Variants in COG5 observed in about 807,000 individuals in gnomAD.
COG5 encodes component of oligomeric golgi complex 5, also known as conserved oligomeric Golgi complex subunit 5.
COG5 carries 86 observed loss-of-function variants against 110.4 expected under a neutral mutation model. The observed-to-expected ratio is 0.78, with a 90% CI of 0.65 to 0.93. The LOEUF is 0.93. Among genes scored for constraint, COG5 ranks in the 40% least tolerant of loss-of-function variants. The probability of loss-of-function intolerance (pLI) is 0.00; values close to 1 mark genes in which losing one functional copy is unlikely to be tolerated. For missense variants in COG5, 1,077 were observed against 987.0 expected (o/e 1.09, Z -1.22); for synonymous variants, 360 against 334.6 (o/e 1.08, Z -0.83).
chr7:107,348,233 A>C (rs1020899205), intron 10 of COG5, among the ~76,000 whole-genome samples: 2 of 151,856 alleles, frequency 1.3e-5, no homozygotes, highest in African/African-American at 4.8e-5. Context: ...TAATATTGAA[A>C]ATTTTTCAAT....
In COG5 at chr7:107,203,354, A is replaced by G. The variant is rs1000375620; in HGVS notation, c.*162T>C. 13 of 635,986 alleles carry G rather than the reference A, an allele frequency of 2.0e-5. No homozygotes were observed. Among genetic ancestry groups the G allele is most frequent in the African/African-American group, 3.7e-5 (2 of 54,656 alleles). 39.4% of individuals were successfully genotyped at this position (635,986 alleles called of 1,614,324 possible). ...GTGATAACTCAACATTTTTTATGCTAAAGTATAAGTGCTAAAGAGGTAAAT... is the reference window on the plus strand; with the variant it reads ...GTGATAACTCAACATTTTTTATGCTGAAGTATAAGTGCTAAAGAGGTAAAT... On this transcript the variant is annotated 3_prime_UTR_variant, in exon 22 of 22. Coordinates refer to ENST00000297135, the MANE Select transcript of COG5 (RefSeq NM_006348.5).
chr7:107,247,493 A>C (rs373325180), intron 17 of COG5, among the ~76,000 whole-genome samples: 1 of 152,216 alleles, frequency 6.6e-6, no homozygotes, highest in Admixed American at 6.5e-5. Flanking sequence ...CATAAAACAG[A>C]TATTCTTTAA....
intron 6 of COG5, among the ~76,000 whole-genome samples, chr7:107,459,658 C>T (rs991613141): frequency 1.3e-5 from 2 of 151,768 alleles, no homozygotes; most frequent in Admixed American, 1.3e-4. Flanking sequence ...AAGCCAGGTA[C>T]TGTGGTACAC....
chr7:107,439,784 G>C (rs1301064342), intron 6 of COG5, among the ~76,000 whole-genome samples: 3 of 152,176 alleles, frequency 2.0e-5, no homozygotes, highest in African/African-American at 7.2e-5. Context: ...GCAAAAGGAA[G>C]TAGAAGTTTT....
intron 5 of COG5, among the ~76,000 whole-genome samples, chr7:107,532,053 A>G (rs1366516244): frequency 1.3e-5 from 2 of 152,154 alleles, no homozygotes; most frequent in Non-Finnish European, 2.9e-5. Context: ...AGTAGAAAAC[A>G]GCATTACTTT....
chr7:107,399,468 G>C (rs1347361694), intron 7 of COG5, among the ~76,000 whole-genome samples: 1 of 151,974 alleles, frequency 6.6e-6, no homozygotes, highest in East Asian at 1.9e-4. Flanking sequence ...CACCAGACTT[G>C]ATGGTTTTAT....
At chr7:107,369,762 G>A (rs1813959412) in intron 8 of COG5, among the ~76,000 whole-genome samples, 1 of 152,090 alleles carries the variant, frequency 6.6e-6, no homozygotes, top group Non-Finnish European at 1.5e-5. Flanking sequence ...ACATCATAAG[G>A]TGAACACATT....
At chr7:107,507,297 CTTT>C (rs10713224) in intron 6 of COG5, among the ~76,000 whole-genome samples, 23 of 131,594 alleles carry the variant, frequency 1.7e-4, no homozygotes, top group Non-Finnish European at 2.6e-4. Context: ...CTTTTCTTTT[CTTT>C]TTTTTTTTTT....
intron 6 of COG5, among the ~76,000 whole-genome samples, chr7:107,476,183 TTAAAAAAAAAAAAAAAAA>T (rs1326834994): frequency 1.0e-4 from 9 of 86,514 alleles, no homozygotes; most frequent in African/African-American, 5.2e-4. Flanking sequence ...TGCAATGATT[TTAAAAAAAAAAAAAAAAA>T]AAAAAAGAAC....
intron 7 of COG5, among the ~76,000 whole-genome samples, chr7:107,383,455 T>C (rs1021692278): frequency 6.6e-6 from 1 of 152,200 alleles, no homozygotes; most frequent in Non-Finnish European, 1.5e-5. Flanking sequence ...ATCCATGGCA[T>C]AAATGAGGTC....
intron 6 of COG5, among the ~76,000 whole-genome samples, chr7:107,424,649 A>G (rs1474989722): frequency 4.6e-5 from 7 of 152,180 alleles, no homozygotes; most frequent in Admixed American, 4.6e-4. Context: ...TATTTCAAAC[A>G]GCCATTAAAT....
At chr7:107,562,872 T>C (rs764307198) in intron 1 of COG5, among the ~76,000 whole-genome samples, 1 of 152,218 alleles carries the variant, frequency 6.6e-6, no homozygotes, top group Admixed American at 6.5e-5. Context: ...ACTGCGATGA[T>C]GAATTTAAAA....
intron 3 of COG5, among the ~76,000 whole-genome samples, chr7:107,550,646 C>T (rs1197535762): frequency 6.6e-6 from 1 of 152,122 alleles, no homozygotes; most frequent in Non-Finnish European, 1.5e-5. Context: ...AAAGGCCTTC[C>T]CTCTCCTTCA....
chr7:107,353,163 C>T (rs557282400), intron 10 of COG5, among the ~76,000 whole-genome samples: 162 of 152,170 alleles, frequency 1.1e-3, no homozygotes, highest in Non-Finnish European at 2.2e-3. Flanking sequence ...CGGTGGTTCA[C>T]GCCTGTAATC....
chr7:107,420,497 G>C (rs1380716062), intron 6 of COG5, among the ~76,000 whole-genome samples: 3 of 152,188 alleles, frequency 2.0e-5, no homozygotes, highest in Non-Finnish European at 2.9e-5. Flanking sequence ...GTCTTGCTCT[G>C]TCGCTCAGGC....
intron 10 of COG5, among the ~76,000 whole-genome samples, chr7:107,342,619 A>G (rs1811264431): frequency 6.6e-6 from 1 of 152,112 alleles, no homozygotes; most frequent in Admixed American, 6.5e-5. Flanking sequence ...TACAGATTGC[A>G]GTAAGCCAAG....
rs192050947 is a variant in COG5, at chr7:107,407,218, C to T, written c.669+5284G>A. On this transcript the variant is annotated intron_variant, in intron 7 of 21. Coordinates refer to ENST00000297135, the MANE Select transcript of COG5 (RefSeq NM_006348.5). The stretch of plus-strand genomic sequence containing the variant: ...CCAACATGGCGAAACCCCGTCTCTA[C>T]TAAAAATACAAAAATGAGCTGGGTG... Among the ~76,000 whole-genome samples, 1,346 of 152,082 alleles carry T rather than the reference C, an allele frequency of 8.9e-3. 19 individuals are homozygous for T. Among genetic ancestry groups the T allele is most frequent in the African/African-American group, 0.031 (1,289 of 41,462 alleles).
Position 107,457,160 on chromosome 7 carries a change from T to G in COG5, c.539-44528A>C, listed in dbSNP as rs77758132. On this transcript the variant is annotated intron_variant, in intron 6 of 21. Coordinates refer to ENST00000297135, the MANE Select transcript of COG5 (RefSeq NM_006348.5). ...TCTATTAAAAGTATATTCACAGATT[T>G]AAAGAAACACATGAATAGAGAGAAA... Among the ~76,000 whole-genome samples, 287 of 152,198 alleles carry G rather than the reference T, an allele frequency of 1.9e-3. 2 individuals carry two copies. In the East Asian group the frequency reaches 0.02, roughly 11 times the overall value.
intron 7 of COG5, among the ~76,000 whole-genome samples, chr7:107,392,503 T>C (rs1790692671): frequency 6.6e-6 from 1 of 152,162 alleles, no homozygotes; most frequent in Admixed American, 6.5e-5. Flanking sequence ...CAATGCTTAT[T>C]TGCAAGTAAC....
Sources: gnomAD v4.1 joint callset for allele counts (sites outside exome capture counted in the v4.1 genomes callset) on GRCh38, gnomAD v4.1.1 for gene constraint, MANE v1.5 for transcripts, NCBI Gene and HGNC (gene_info 2026-07-23, HGNC 2026-07-21) for gene names.